Variants in TTBK2 observed in about 807,000 individuals in gnomAD.
TTBK2 encodes tau-tubulin kinase 2.
Under a neutral mutation model 110.8 loss-of-function variants are expected in TTBK2, and 28 were observed. That is an observed-to-expected ratio of 0.25 (90% CI 0.19 to 0.35). The LOEUF is 0.35. Among genes scored for constraint, TTBK2 ranks in the 10% least tolerant of loss-of-function variants. TTBK2 has a pLI of 1.00. For missense variants in TTBK2, 1,369 were observed against 1,500.3 expected (o/e 0.91, Z 1.45); for synonymous variants, 532 against 527.3 (o/e 1.01, Z -0.12).
At chr15:42,761,262 A>G (rs2140655957) in intron 13 of TTBK2, among the ~76,000 whole-genome samples, 1 of 152,368 alleles carries the variant, frequency 6.6e-6, no homozygotes, top group Non-Finnish European at 1.5e-5. Flanking sequence ...GTTTCAGAAC[A>G]CTGGTCTAGG....
At chr15:42,807,664 T>C (rs989078810) in intron 9 of TTBK2, among the ~76,000 whole-genome samples, 1 of 152,062 alleles carries the variant, frequency 6.6e-6, no homozygotes, top group African/African-American at 2.4e-5. Context: ...CTCAAACTCC[T>C]GGCCTCAAGT....
chr15:42,865,208 G>A (rs1253848176), intron 3 of TTBK2, among the ~76,000 whole-genome samples: 3 of 152,088 alleles, frequency 2.0e-5, no homozygotes, highest in Non-Finnish European at 4.4e-5. Flanking sequence ...ATGGACGGTC[G>A]AGGTGGGTCA....
intron 6 of TTBK2, among the ~76,000 whole-genome samples, chr15:42,819,445 T>C (rs894180532): frequency 3.9e-5 from 6 of 152,234 alleles, no homozygotes; most frequent in African/African-American, 1.4e-4. Flanking sequence ...CTCATTTTTA[T>C]AATCTATGTT....
chr15:42,759,652 C>T (rs1388961499), intron 13 of TTBK2, among the ~76,000 whole-genome samples: 1 of 152,218 alleles, frequency 6.6e-6, no homozygotes, highest in Non-Finnish European at 1.5e-5. Context: ...CACTTGCAAA[C>T]ATCACCAGCA....
intron 1 of TTBK2, among the ~76,000 whole-genome samples, chr15:42,911,128 G>A (rs111933830): frequency 3.7e-4 from 56 of 151,974 alleles, no homozygotes; most frequent in Non-Finnish European, 5.0e-4. Flanking sequence ...AAAATTGAAC[G>A]GGGAGGTTAA....
At chr15:42,864,509 G>C (rs142029221) in intron 3 of TTBK2, among the ~76,000 whole-genome samples, 1 of 151,900 alleles carries the variant, frequency 6.6e-6, no homozygotes, top group African/African-American at 2.4e-5. Flanking sequence ...CCTTGAACCC[G>C]GGAGGCAAAG....
intron 9 of TTBK2, among the ~76,000 whole-genome samples, chr15:42,795,247 G>A (rs1460622910): frequency 1.4e-5 from 2 of 147,108 alleles, no homozygotes; most frequent in Non-Finnish European, 3.0e-5. Flanking sequence ...AGTTCATTGT[G>A]CTTTCCTTCA....
At chr15:42,896,439 C>G (rs1219681954) in intron 1 of TTBK2, among the ~76,000 whole-genome samples, 1 of 152,068 alleles carries the variant, frequency 6.6e-6, no homozygotes, top group Non-Finnish European at 1.5e-5. Flanking sequence ...CTGTCTAAAT[C>G]TCACACTCTA....
At chr15:42,872,800 A>C in intron 2 of TTBK2, 42 bp from the exon 3 acceptor site, 2 of 1,609,764 alleles carry the variant, frequency 1.2e-6, no homozygotes, top group African/African-American at 1.3e-5. Flanking sequence ...AATTACTAGA[A>C]GATTCTAACT....
In TTBK2 at chr15:42,793,587, G is replaced by T. The variant is rs528813204; in HGVS notation, c.980+1057C>A. Among the ~76,000 whole-genome samples, 14 of 151,936 alleles carry T rather than the reference G, an allele frequency of 9.2e-5. 1 individual carries two copies. In the Middle Eastern group the frequency reaches 0.017, roughly 185 times the overall value. ...AAATCAGGCCGGCGCAGTGGCTCAC[G>T]CCTGTAATCCCAGCACTTTTGGAGA... On this transcript the variant is annotated intron_variant, in intron 10 of 14. Coordinates refer to ENST00000267890, the MANE Select transcript of TTBK2 (RefSeq NM_173500.4).
intron 13 of TTBK2, among the ~76,000 whole-genome samples, chr15:42,764,999 G>A (rs1407426461): frequency 1.3e-5 from 2 of 152,248 alleles, no homozygotes; most frequent in African/African-American, 2.4e-5. Context: ...AGGGTCTGGA[G>A]TGGACCTCCA....
chr15:42,840,594 T>C (rs1595971976), intron 3 of TTBK2, 161 bp from the exon 4 acceptor site: 3 of 737,472 alleles, frequency 4.1e-6, no homozygotes, highest in Non-Finnish European at 7.4e-6. Context: ...TACCTACCTC[T>C]TCTCCTCCCA....
At chr15:42,761,749 T>C (rs895713109) in intron 13 of TTBK2, among the ~76,000 whole-genome samples, 1 of 152,190 alleles carries the variant, frequency 6.6e-6, no homozygotes, top group Admixed American at 6.5e-5. Context: ...TGAGATATTG[T>C]ATCACCCCAG....
At chr15:42,899,727 G>C (rs1596038763) in intron 1 of TTBK2, among the ~76,000 whole-genome samples, 3 of 151,358 alleles carry the variant, frequency 2.0e-5, no homozygotes, top group Admixed American at 1.3e-4. Flanking sequence ...GACAGAGCAA[G>C]ACTCCATACA....
chr15:42,841,017 T>C (rs1346557586), intron 3 of TTBK2, among the ~76,000 whole-genome samples: 7 of 152,060 alleles, frequency 4.6e-5, no homozygotes, highest in East Asian at 1.9e-4. Context: ...CCCAAAAGAA[T>C]TGAGCCACAT....
intron 1 of TTBK2, among the ~76,000 whole-genome samples, chr15:42,881,558 G>T (rs1290523215): frequency 1.3e-5 from 2 of 151,938 alleles, no homozygotes; most frequent in African/African-American, 4.8e-5. Context: ...TCTCAGTAAA[G>T]AAATGAGACA....
intron 3 of TTBK2, among the ~76,000 whole-genome samples, chr15:42,844,646 A>G (rs1893371920): frequency 6.6e-6 from 1 of 152,246 alleles, no homozygotes; most frequent in Admixed American, 6.5e-5. Context: ...ACATGCATTT[A>G]ATCCTGCCAA....
chr15:42,850,220 T>C (rs1345588223), intron 3 of TTBK2, among the ~76,000 whole-genome samples: 1 of 152,150 alleles, frequency 6.6e-6, no homozygotes, highest in Non-Finnish European at 1.5e-5. Context: ...GAGAGAAAGA[T>C]GTAGGATTTC....
chr15:42,865,451 C>T (rs1204694535), intron 3 of TTBK2, among the ~76,000 whole-genome samples: 1 of 149,770 alleles, frequency 6.7e-6, no homozygotes, highest in Non-Finnish European at 1.5e-5. Context: ...CAGAGTGAGA[C>T]TCTATCTAAA....
Sources: allele counts gnomAD v4.1 joint callset (sites outside exome capture counted in the v4.1 genomes callset), GRCh38; gene constraint gnomAD v4.1.1; transcripts MANE v1.5; gene names NCBI Gene and HGNC (gene_info 2026-07-23, HGNC 2026-07-21).